The following ATP10B variants were observed in gnomAD, a reference collection of about 807,000 sequenced individuals.
ATP10B encodes the protein phospholipid-transporting ATPase VB.
A neutral mutation model predicts 141.2 loss-of-function variants in ATP10B; 122 were observed. That is an observed-to-expected ratio of 0.86 (90% CI 0.75 to 1.00). The LOEUF (loss-of-function observed/expected upper bound fraction) is 1.00, where lower values mean the gene tolerates loss of function less well. ATP10B is among the 50% of genes least tolerant of loss of function. The probability of loss-of-function intolerance (pLI) is 0.00; values close to 1 mark genes in which losing one functional copy is unlikely to be tolerated. For synonymous variants in ATP10B, 685 were observed against 692.0 expected (o/e 0.99, Z 0.16); for missense variants, 1,876 against 1,825.3 (o/e 1.03, Z -0.51).
At chr5:160,612,492 G>A (rs1480878824) in intron 18 of ATP10B, 1 of 329,096 alleles carries the variant, frequency 3.0e-6, no homozygotes, top group Non-Finnish European at 5.6e-6. Flanking sequence ...TTTGGGAGAG[G>A]TAAAACTTTC....
intron 3 of ATP10B, among the ~76,000 whole-genome samples, chr5:160,715,083 G>C (rs59627943): frequency 4.8e-5 from 7 of 145,558 alleles, no homozygotes; most frequent in Non-Finnish European, 9.1e-5. Context: ...TCTGTGCCCT[G>C]CCCCCAGAGG....
intron 21 of ATP10B, among the ~76,000 whole-genome samples, chr5:160,602,217 A>T (rs1757134462): frequency 6.6e-6 from 1 of 152,140 alleles, no homozygotes; most frequent in Non-Finnish European, 1.5e-5. Context: ...AGGTACTATT[A>T]CCACCCATTT....
chr5:160,581,547 C>T (rs1755553508), intron 24 of ATP10B, among the ~76,000 whole-genome samples: 1 of 152,174 alleles, frequency 6.6e-6, no homozygotes, highest in Non-Finnish European at 1.5e-5. Flanking sequence ...TTTGTATTTG[C>T]TGACGAGTGT....
At position 160,844,211 on chromosome 5, in the gene ATP10B, C is replaced by T. The variant is rs140480394; in HGVS notation, c.-576+7730G>A. On this transcript the variant is annotated intron_variant, in intron 1 of 25. Transcript: ENST00000327245. The stretch of plus-strand genomic sequence containing the variant: ...TACCCAACAGAAATATATATATATA[C>T]ACACACACACATATATGTGCTAAAA... Among the ~76,000 whole-genome samples, 279 of 151,808 alleles carry T rather than the reference C, an allele frequency of 1.8e-3. 1 individual carries two copies. Among genetic ancestry groups the T allele is most frequent in the African/African-American group, 6.3e-3 (260 of 41,382 alleles).
rs371849228 is a variant in ATP10B at position 160,652,884 on chromosome 5, T to C, written c.676-3628A>G. Among the ~76,000 whole-genome samples, 88 of 35,906 alleles carry C rather than the reference T, an allele frequency of 2.5e-3. 2 individuals carry two copies. The highest frequency in any genetic ancestry group is 3.8e-3 in the Admixed American group (10 of 2,610). The allele number at this position is 35,906 out of a possible 152,430, so 23.6% of individuals were successfully genotyped here. A position where few individuals can be genotyped will look rare whatever the true frequency, so the allele number is the denominator to read the frequency against. On this transcript the variant is annotated intron_variant, in intron 7 of 25. Coordinates refer to ENST00000327245, the MANE Select transcript of ATP10B (RefSeq NM_025153.3). The stretch of plus-strand genomic sequence containing the variant: ...TTATATATAATATATATAATATATA[T>C]ATAATTATATAATATATTATATATA...
At chr5:160,859,833 AG>A in the ATP10B span, among the ~76,000 whole-genome samples, 1 of 151,886 alleles carries the variant, frequency 6.6e-6, no homozygotes, top group African/African-American at 2.4e-5. Flanking sequence ...AAACTTGTGC[AG>A]GGTAACTCCA....
intron 3 of ATP10B, among the ~76,000 whole-genome samples, chr5:160,710,297 G>A (rs1765311400): frequency 2.1e-5 from 1 of 46,968 alleles, no homozygotes; most frequent in African/African-American, 8.7e-5. Flanking sequence ...TTTAATAATT[G>A]CCATTCTAAC....
intron 17 of ATP10B, among the ~76,000 whole-genome samples, chr5:160,613,556 A>C (rs1422900483): frequency 6.6e-6 from 1 of 152,248 alleles, no homozygotes; most frequent in Non-Finnish European, 1.5e-5. Context: ...GATGAGATTC[A>C]GAACTAAAAG....
Position 160,617,911 on chromosome 5 carries a change from C to A in ATP10B, c.2479G>T (p.Asp827Tyr). Residue 827 changes from aspartate to tyrosine, a missense_variant, in exon 16 of 26, where the codon GAC (aspartate) becomes TAC (tyrosine). Transcript: ENST00000327245. Reference protein sequence around the residue: ...KIRARTQKHLDLYARDGLRTL... With the variant: ...KIRARTQKHLYLYARDGLRTL... ...CGCAGGCCATCTCTTGCATACAAGT[C>A]TAGATGCTTTTGGGTCCGGGCTCGG... 1 of 1,614,198 alleles carries A rather than the reference C, an allele frequency of 6.2e-7. No homozygotes were observed. Among genetic ancestry groups the A allele is most frequent in the South Asian group, 1.1e-5 (1 of 91,082 alleles).
chr5:160,705,764 T>G (rs1326776285), intron 3 of ATP10B, among the ~76,000 whole-genome samples: 1 of 152,222 alleles, frequency 6.6e-6, no homozygotes, highest in African/African-American at 2.4e-5. Flanking sequence ...GAATAGCACT[T>G]TTAATTTTCT....
At chr5:160,790,937 G>T (rs968481966) in intron 1 of ATP10B, among the ~76,000 whole-genome samples, 1 of 152,164 alleles carries the variant, frequency 6.6e-6, no homozygotes, top group Non-Finnish European at 1.5e-5. Flanking sequence ...GATGATGAAA[G>T]AAGCAGGAGG....
At chr5:160,841,728 TTTA>T (rs2127987120) in intron 1 of ATP10B, among the ~76,000 whole-genome samples, 1 of 152,212 alleles carries the variant, frequency 6.6e-6, no homozygotes, top group African/African-American at 2.4e-5. Context: ...TTTTATTTAA[TTTA>T]TTATTATTTT....
At chr5:160,844,824 C>T (rs1042789391) in intron 1 of ATP10B, among the ~76,000 whole-genome samples, 2 of 152,090 alleles carry the variant, frequency 1.3e-5, no homozygotes, top group Non-Finnish European at 2.9e-5. Flanking sequence ...GGATTACAGG[C>T]ATGAGACACT....
Position 160,617,930 on chromosome 5 carries a change from G to A in ATP10B, c.2460C>T (p.Ala820=). Residue 820 remains alanine, a synonymous_variant, in exon 16 of 26, where the codon GCC becomes GCT. Coordinates refer to ENST00000327245, the MANE Select transcript of ATP10B (RefSeq NM_025153.3). ...NMEKKLRKIR[A]RTQKHLDLYA... ...ACAAGTCTAGATGCTTTTGGGTCCGGGCTCGGATTTTTCTCAGCTTCTTTT... is the reference window on the plus strand; with the variant it reads ...ACAAGTCTAGATGCTTTTGGGTCCGAGCTCGGATTTTTCTCAGCTTCTTTT... 6.2e-7 allele frequency: 1 copy of A among 1,614,154 alleles called. No individual in the cohort carries two copies. The highest frequency in any genetic ancestry group is 1.3e-5 in the African/African-American group (1 of 75,040).
intron 3 of ATP10B, among the ~76,000 whole-genome samples, chr5:160,693,412 A>G (rs1764188517): frequency 8.3e-6 from 1 of 120,836 alleles, no homozygotes. Flanking sequence ...AAACACACAC[A>G]CACACACACA....
chr5:160,820,863 A>G (rs1370726854), intron 1 of ATP10B, among the ~76,000 whole-genome samples: 2 of 152,148 alleles, frequency 1.3e-5, no homozygotes, highest in African/African-American at 2.4e-5. Flanking sequence ...AAAAACCCTA[A>G]GAAAGCTGGG....
chr5:160,759,937 C>G (rs1333386304), intron 2 of ATP10B, among the ~76,000 whole-genome samples: 1 of 152,186 alleles, frequency 6.6e-6, no homozygotes, highest in Non-Finnish European at 1.5e-5. Context: ...TGGAGTAATT[C>G]CAAGACCCAG....
At chr5:160,577,034 T>C (rs1258374968) in intron 24 of ATP10B, among the ~76,000 whole-genome samples, 2 of 152,184 alleles carry the variant, frequency 1.3e-5, no homozygotes, top group Non-Finnish European at 2.9e-5. Flanking sequence ...CCTTCAAGGG[T>C]TTGCTAGCTT....
intron 14 of ATP10B, among the ~76,000 whole-genome samples, chr5:160,622,056 A>T (rs1469819353): frequency 6.6e-6 from 1 of 152,172 alleles, no homozygotes; most frequent in Non-Finnish European, 1.5e-5. Flanking sequence ...GGTTGAGAGG[A>T]TTAAATGATA....
Sources: gnomAD v4.1 joint callset for allele counts (sites outside exome capture counted in the v4.1 genomes callset) on GRCh38, gnomAD v4.1.1 for gene constraint, MANE v1.5 for transcripts, NCBI Gene and HGNC (gene_info 2026-07-23, HGNC 2026-07-21) for gene names.